The following AKAP13 variants were observed in gnomAD, a reference collection of about 807,000 sequenced individuals.
AKAP13 encodes A-kinase anchoring protein 13.
AKAP13 carries 80 observed loss-of-function variants against 264.5 expected under a neutral mutation model. The observed-to-expected ratio is 0.30, with a 90% CI of 0.25 to 0.36. AKAP13 has a LOEUF of 0.36. Ranked by LOEUF, AKAP13 falls within the 10% of genes least tolerant of loss-of-function variation. The pLI is 1.00. For missense variants in AKAP13, 3,712 were observed against 3,435.2 expected (o/e 1.08, Z -2.01); for synonymous variants, 1,380 against 1,250.2 (o/e 1.10, Z -2.19).
chr15:85,483,511 A>C (rs2075411926), intron 1 of AKAP13, among the ~76,000 whole-genome samples: 1 of 148,804 alleles, frequency 6.7e-6, no homozygotes, highest in Non-Finnish European at 1.5e-5. Context: ...CTGTAGTCCC[A>C]GCTACTGGGG....
At chr15:85,387,232 A>AG (rs1372483072) in intron 1 of AKAP13, among the ~76,000 whole-genome samples, 2 of 152,108 alleles carry the variant, frequency 1.3e-5, no homozygotes, top group East Asian at 3.8e-4. Context: ...GCTACTTGGG[A>AG]GGCTGAGACA....
chr15:85,417,591 C>T (rs139996592), intron 1 of AKAP13, among the ~76,000 whole-genome samples: 200 of 152,270 alleles, frequency 1.3e-3, no homozygotes, highest in African/African-American at 4.8e-3. Flanking sequence ...GTTGTTAGCC[C>T]ATTGATAAAC....
At chr15:85,496,153 GGGTTCGCATCCTGT>G (rs2075866902) in intron 2 of AKAP13, among the ~76,000 whole-genome samples, 2 of 152,166 alleles carry the variant, frequency 1.3e-5, no homozygotes, top group Non-Finnish European at 2.9e-5. Context: ...GTGGATGGTA[GGGTTCGCATCCTGT>G]GAGTGGCTAC....
intron 2 of AKAP13, among the ~76,000 whole-genome samples, chr15:85,494,100 T>C (rs899587423): frequency 6.6e-6 from 1 of 152,148 alleles, no homozygotes; most frequent in Non-Finnish European, 1.5e-5. Flanking sequence ...GAACAACTAC[T>C]CATACCATCT....
At chr15:85,431,811 T>C (rs998678130) in intron 1 of AKAP13, among the ~76,000 whole-genome samples, 1 of 152,210 alleles carries the variant, frequency 6.6e-6, no homozygotes, top group African/African-American at 2.4e-5. Context: ...GGTAAAAAAA[T>C]GATTACCAGA....
At chr15:85,405,608 C>T (rs2071624177) in intron 1 of AKAP13, among the ~76,000 whole-genome samples, 1 of 152,238 alleles carries the variant, frequency 6.6e-6, no homozygotes, top group East Asian at 1.9e-4. Context: ...GTTTTAGTTA[C>T]AGAAATATGA....
At chr15:85,524,875 C>CTGTGTGTGTGTGTG (rs61626116) in intron 3 of AKAP13, among the ~76,000 whole-genome samples, 8 of 147,230 alleles carry the variant, frequency 5.4e-5, no homozygotes, top group Admixed American at 1.4e-4. Context: ...CCCCATTCCC[C>CTGTGTGTGTGTGTG]TGTGTGTGTG....
chr15:85,604,072 A>G (rs2080209843), intron 8 of AKAP13, among the ~76,000 whole-genome samples: 1 of 152,196 alleles, frequency 6.6e-6, no homozygotes, highest in Non-Finnish European at 1.5e-5. Flanking sequence ...AGCAAGGTTG[A>G]TATCTAGTTA....
intron 8 of AKAP13, among the ~76,000 whole-genome samples, chr15:85,601,648 G>GTGTGTGTGTGTGTGTGTT (rs1228684653): frequency 3.4e-5 from 5 of 147,666 alleles, no homozygotes; most frequent in Non-Finnish European, 7.5e-5. Flanking sequence ...GTGTGTGTGT[G>GTGTGTGTGTGTGTGTGTT]TTTTTCTTCC....
At chr15:85,502,353 A>G (rs1032322503) in intron 2 of AKAP13, among the ~76,000 whole-genome samples, 1 of 152,242 alleles carries the variant, frequency 6.6e-6, no homozygotes, top group Non-Finnish European at 1.5e-5. Context: ...CAATTATTGA[A>G]TACTTACTAA....
chr15:85,399,524 AAAAAAATAAAAAAATAAAT>A (rs1567038662), intron 1 of AKAP13, among the ~76,000 whole-genome samples: 1 of 86,520 alleles, frequency 1.2e-5, no homozygotes, highest in African/African-American at 4.9e-5. Context: ...AAAAAAAAAT[AAAAAAATAAAAAAATAAAT>A]AAATAAATAA....
chr15:85,707,640 T>A (rs2086374899), intron 17 of AKAP13, among the ~76,000 whole-genome samples: 1 of 152,238 alleles, frequency 6.6e-6, no homozygotes, highest in African/African-American at 2.4e-5. Flanking sequence ...CAGCTTCCTG[T>A]CTGAAAAGTT....
intron 1 of AKAP13, among the ~76,000 whole-genome samples, chr15:85,451,889 T>C (rs1440583458): frequency 1.3e-5 from 2 of 152,234 alleles, no homozygotes; most frequent in East Asian, 3.8e-4. Context: ...TTCTTTGTAT[T>C]TTCTGGATTT....
chr15:85,712,974 A>C (rs2086712723), intron 19 of AKAP13, among the ~76,000 whole-genome samples: 1 of 152,224 alleles, frequency 6.6e-6, no homozygotes, highest in South Asian at 2.1e-4. Context: ...ACTGGACATT[A>C]CCAAACCTCT....
At chr15:85,741,928 C>T (rs1445028366) in intron 35 of AKAP13, among the ~76,000 whole-genome samples, 2 of 151,970 alleles carry the variant, frequency 1.3e-5, no homozygotes, top group Admixed American at 1.3e-4. Context: ...GCCTATAATC[C>T]CAGCTGCTTG....
Position 85,745,015 on chromosome 15 carries a change from A to C in AKAP13, c.*338A>C. On this transcript the variant is annotated 3_prime_UTR_variant, in exon 37 of 37. Transcript: ENST00000394518. ...TCCTAAAGGCTGAAAGAGTGTATCC[A>C]AGTAAGGTCTGAACCTCCGAATGCC... is the stretch of plus-strand genomic sequence containing the variant. 4.4e-6 allele frequency: 1 copy of C among 225,144 alleles called. No individual in the cohort carries two copies. The highest frequency in any genetic ancestry group is 1.0e-4 in the East Asian group (1 of 9,706). The allele number at this position is 225,144 out of a possible 1,614,324, so 13.9% of individuals were successfully genotyped here. A position where few individuals can be genotyped will look rare whatever the true frequency, so the allele number is the denominator to read the frequency against.
chr15:85,458,138 CAA>C (rs368519731), intron 1 of AKAP13, among the ~76,000 whole-genome samples: 13 of 110,650 alleles, frequency 1.2e-4, no homozygotes, highest in Non-Finnish European at 1.2e-4. Context: ...GACTCCATCT[CAA>C]AAAAAAAAAA....
At chr15:85,510,207 G>A (rs951675159) in intron 2 of AKAP13, among the ~76,000 whole-genome samples, 5 of 152,170 alleles carry the variant, frequency 3.3e-5, no homozygotes, top group Non-Finnish European at 4.4e-5. Flanking sequence ...TCACTGTAAT[G>A]GCATAAGCTT....
At chr15:85,613,323 A>G (rs1162139635) in intron 8 of AKAP13, among the ~76,000 whole-genome samples, 1 of 152,142 alleles carries the variant, frequency 6.6e-6, no homozygotes. Context: ...TGTATAGAAG[A>G]TGGAGGTATG....
Sources: gnomAD v4.1 joint callset for allele counts (sites outside exome capture counted in the v4.1 genomes callset) on GRCh38, gnomAD v4.1.1 for gene constraint, MANE v1.5 for transcripts, NCBI Gene and HGNC (gene_info 2026-07-23, HGNC 2026-07-21) for gene names.